MUC22: variants seen among roughly 807,000 people sequenced by gnomAD.
MUC22 encodes mucin 22, also known as mucin-22.
MUC22 carries 24 observed loss-of-function variants against 40.3 expected under a neutral mutation model. That is an observed-to-expected ratio of 0.60 (90% CI 0.43 to 0.84). The LOEUF is 0.84. Ranked by LOEUF, MUC22 falls within the 40% of genes least tolerant of loss-of-function variation. The pLI, the probability that MUC22 is intolerant of heterozygous loss-of-function variation, is 0.00. For missense variants in MUC22, 1,926 were observed against 2,130.7 expected (o/e 0.90, Z 1.89); for synonymous variants, 765 against 844.5 (o/e 0.91, Z 1.63).
exon 2 of MUC22, chr6:31,029,721 T>C: frequency 4.6e-6 from 7 of 1,524,438 alleles, no homozygotes; most frequent in Non-Finnish European, 6.1e-6. Context: ...CCACCTCTAC[T>C]GAAGGCTCTG....
chr6:31,030,146 G>C, intron 2 of MUC22, 46 bp downstream of exon 2: 1 of 1,465,730 alleles, frequency 6.8e-7, no homozygotes, highest in East Asian at 2.5e-5. Flanking sequence ...TTTAACTCCA[G>C]TGGCAACCAC....
chr6:31,016,241 G>A (rs1186345040), intron 1 of MUC22, among the ~76,000 whole-genome samples: 1 of 151,812 alleles, frequency 6.6e-6, no homozygotes, highest in Non-Finnish European at 1.5e-5. Context: ...GCTTCATAGG[G>A]ATATTTGTTT....
rs1351511537 is a variant in MUC22, at chr6:31,029,502, A to G, written c.4071A>G (p.Thr1357=). 2.6e-6 allele frequency: 4 copies of G among 1,534,182 alleles called. 1 individual carries two copies. The East Asian group carries it at 9.8e-5, about 38-fold the overall frequency. ...CTACCGCAGGCTCTGAGACCACAAC[A>G]GTCTATATCACAGGCTCTAAGACTA... Residue 1357 remains threonine, a synonymous_variant, in exon 2 of 4, where the codon ACA becomes ACG. Coordinates refer to ENST00000561890, the Ensembl canonical transcript of MUC22.
At chr6:31,029,403 G>T in exon 2 of MUC22, 3 of 1,534,542 alleles carry the variant, frequency 2.0e-6, no homozygotes, top group Non-Finnish European at 2.6e-6. Context: ...CGGGCTCTGA[G>T]ACCACCACAG....
intron 1 of MUC22, among the ~76,000 whole-genome samples, chr6:31,023,323 C>G (rs1231926115): frequency 6.6e-6 from 1 of 151,982 alleles, no homozygotes; most frequent in Non-Finnish European, 1.5e-5. Context: ...ATTACTTGAG[C>G]CCAGGAGTTC....
In MUC22 at chr6:31,020,429, C is replaced by A. The variant is rs1313236278; in HGVS notation, c.71-5073C>A. ...AAGCAAAAACTGGAAGACCTTGCCT[C>A]CTGGAAATTGACTTTTTTTTTTTTT... On this transcript the variant is annotated intron_variant, in intron 1 of 3. Coordinates refer to ENST00000561890, the Ensembl canonical transcript of MUC22. 2.8e-5 allele frequency among the ~76,000 whole-genome samples: 4 copies of A among 145,304 alleles called. No homozygotes were observed. In the Admixed American group the frequency reaches 2.8e-4, roughly 10 times the overall value.
chr6:31,022,180 C>CT (rs972244577), intron 1 of MUC22, among the ~76,000 whole-genome samples: 3 of 152,184 alleles, frequency 2.0e-5, no homozygotes, highest in African/African-American at 4.8e-5. Context: ...AGCTGTAACA[C>CT]TCACTGTGAG....
chr6:31,031,826 A>G (rs973102298), intron 2 of MUC22, among the ~76,000 whole-genome samples: 6 of 140,482 alleles, frequency 4.3e-5, no homozygotes, highest in African/African-American at 1.7e-4. Context: ...CATCCAGGTC[A>G]CTGCAAATGC....
intron 1 of MUC22, among the ~76,000 whole-genome samples, chr6:31,014,556 TGAGA>T (rs1764068708): frequency 1.3e-5 from 2 of 152,308 alleles, no homozygotes; most frequent in Admixed American, 6.5e-5. Flanking sequence ...AGAAGCTTCC[TGAGA>T]GAGAGAGTTT....
intron 1 of MUC22, among the ~76,000 whole-genome samples, chr6:31,012,321 G>A (rs1365964778): frequency 1.3e-5 from 2 of 152,022 alleles, no homozygotes; most frequent in Admixed American, 6.6e-5. Context: ...CACTTCCCTC[G>A]GCGTTCTTTT....
intron 2 of MUC22, among the ~76,000 whole-genome samples, chr6:31,031,366 C>T (rs1196661947): frequency 3.3e-5 from 5 of 152,188 alleles, no homozygotes; most frequent in South Asian, 2.1e-4. Context: ...GTCCCAGCCA[C>T]GGCCACTGGC....
intron 1 of MUC22, among the ~76,000 whole-genome samples, chr6:31,022,411 C>T (rs1764905886): frequency 6.6e-6 from 1 of 152,106 alleles, no homozygotes; most frequent in South Asian, 2.1e-4. Flanking sequence ...CCTGCCTCTG[C>T]TTCCCAAAAT....
chr6:31,028,794 A>T, exon 2 of MUC22: 1 of 1,532,500 alleles, frequency 6.5e-7, no homozygotes, highest in Non-Finnish European at 8.7e-7. Context: ...CCTCTACTGA[A>T]AGCTCTGAGA....
At chr6:31,020,697 C>T (rs1429074723) in intron 1 of MUC22, among the ~76,000 whole-genome samples, 1 of 152,164 alleles carries the variant, frequency 6.6e-6, no homozygotes, top group East Asian at 1.9e-4. Flanking sequence ...GAGCCGGCTC[C>T]CTCAGCTTGC....
chr6:31,029,023 G>A (rs780286605), exon 2 of MUC22: 24 of 1,532,836 alleles, frequency 1.6e-5, no homozygotes, highest in Non-Finnish European at 2.0e-5. Context: ...GCTCACTACA[G>A]TTTCTACCAC....
chr6:31,009,089 A>C (rs930877453), upstream of MUC22, among the ~76,000 whole-genome samples: 2 of 152,210 alleles, frequency 1.3e-5, no homozygotes, highest in African/African-American at 4.8e-5. Context: ...AAAGTTCCAG[A>C]ACTCATTCTT....
exon 2 of MUC22, chr6:31,029,650 A>C (rs1765861669): frequency 3.3e-6 from 5 of 1,535,170 alleles, no homozygotes; most frequent in Non-Finnish European, 4.4e-6. Flanking sequence ...TGAGACCACC[A>C]CAGTCTCTAC....
rs58914759 is a variant in MUC22, at chr6:31,030,743, C to G, written c.4669+643C>G. On this transcript the variant is annotated intron_variant, in intron 2 of 3. Coordinates refer to ENST00000561890, the Ensembl canonical transcript of MUC22. ...CACTTCGGTGCCAAGTAGATTATCT[C>G]TATTCAACCAACCATCTGTGACACT... 8.2e-4 allele frequency among the ~76,000 whole-genome samples: 125 copies of G among 152,342 alleles called. 1 individual carries two copies. The highest frequency in any genetic ancestry group is 3.0e-3 in the African/African-American group (124 of 41,576).
intron 1 of MUC22, among the ~76,000 whole-genome samples, chr6:31,018,113 CAG>C (rs1378909506): frequency 1.3e-5 from 2 of 152,242 alleles, no homozygotes; most frequent in African/African-American, 4.8e-5. Context: ...TTGTTGAAGT[CAG>C]ACCAAGAACC....
Sources: gnomAD v4.1 joint callset for allele counts (sites outside exome capture counted in the v4.1 genomes callset) on GRCh38, gnomAD v4.1.1 for gene constraint, MANE v1.5 for transcripts, NCBI Gene and HGNC (gene_info 2026-07-23, HGNC 2026-07-21) for gene names.